RET: variants seen among roughly 807,000 people sequenced by gnomAD.
RET encodes ret proto-oncogene.
A neutral mutation model predicts 118.3 loss-of-function variants in RET; 19 were observed. The ratio of observed to expected loss-of-function variants is 0.16; its 90% CI spans 0.11 to 0.24. RET has a LOEUF of 0.24. Among genes scored for constraint, RET ranks in the 10% least tolerant of loss-of-function variants. RET has a pLI of 1.00. For synonymous variants in RET, 597 were observed against 644.1 expected (o/e 0.93, Z 1.11); for missense variants, 1,219 against 1,502.1 (o/e 0.81, Z 3.12).
At chr10:43,095,993 G>A (rs1837515558) in intron 1 of RET, among the ~76,000 whole-genome samples, 1 of 152,222 alleles carries the variant, frequency 6.6e-6, no homozygotes, top group Non-Finnish European at 1.5e-5. Flanking sequence ...TGCACCGTCG[G>A]TGGGTGTGGT....
chr10:43,108,238 CA>C (rs1837829797), intron 5 of RET, among the ~76,000 whole-genome samples: 1 of 151,488 alleles, frequency 6.6e-6, no homozygotes, highest in Admixed American at 6.6e-5. Context: ...GCCTGGATTC[CA>C]GGAACCTGGG....
intron 1 of RET, among the ~76,000 whole-genome samples, chr10:43,080,979 A>G (rs1368174328): frequency 1.3e-5 from 2 of 152,282 alleles, no homozygotes; most frequent in East Asian, 1.9e-4. Context: ...GGGTTTGGGC[A>G]TCAGGGATGG....
At chr10:43,118,029 C>A (rs1053587491) in intron 12 of RET, among the ~76,000 whole-genome samples, 3 of 152,166 alleles carry the variant, frequency 2.0e-5, no homozygotes, top group African/African-American at 7.2e-5. Context: ...TACCCCTCAC[C>A]TTTCCAGAAT....
chr10:43,115,257 G>A (rs1005521305), intron 11 of RET, among the ~76,000 whole-genome samples: 3 of 152,214 alleles, frequency 2.0e-5, no homozygotes, highest in African/African-American at 7.2e-5. Context: ...GAGCCACGCA[G>A]CTTATGGTGG....
intron 1 of RET, among the ~76,000 whole-genome samples, chr10:43,081,213 G>A (rs1003218994): frequency 1.3e-5 from 2 of 151,776 alleles, no homozygotes; most frequent in Non-Finnish European, 2.9e-5. Flanking sequence ...TTCTTTGGAG[G>A]CTGCTTCCTG....
intron 6 of RET, 22 bp from the exon 7 acceptor site, chr10:43,111,185 G>A (rs1328398408): frequency 6.2e-7 from 1 of 1,613,104 alleles, no homozygotes; most frequent in Non-Finnish European, 8.5e-7. Context: ...CCTGGCTAAG[G>A]TGTTCCCCTG....
rs938074600 is a variant in RET at position 43,088,070 on chromosome 10, C to T, written c.73+10739C>T. On this transcript the variant is annotated intron_variant, in intron 1 of 19. Coordinates refer to ENST00000355710, the MANE Select transcript of RET (RefSeq NM_020975.6). ...GTGGTGGTGGTGGTGATGGTGAAGA[C>T]GGTGGTGGTGGACGTGATAGGGATA... Among the ~76,000 whole-genome samples, 11 of 149,622 alleles carry T rather than the reference C, an allele frequency of 7.4e-5. No individual in the cohort carries two copies. In the East Asian group the frequency reaches 1.4e-3, roughly 19 times the overall value.
chr10:43,106,490 A>G lies in RET; in HGVS notation c.982A>G (p.Thr328Ala), dbSNP rs781613821. The change falls in exon 5 of 20, where the codon ACC becomes GCC. Residue 328 changes from threonine to alanine, a missense_variant. Around this residue, in one of 5 missense-constraint regions of RET, gnomAD observed 850 missense variants for 969.6 expected, o/e 0.88. Coordinates refer to ENST00000355710, the MANE Select transcript of RET (RefSeq NM_020975.6). The surrounding 1 kb of genome is among the most constrained non-coding windows in gnomAD (Gnocchi z 5.1). ...LLPGDTWAQQ[T>A]FRVEHWPNET... ...CCCCGGGGACACCTGGGCCCAGCAGACCTTCCGGGTGGAACACTGGCCCAA... is the reference window on the plus strand; with the variant it reads ...CCCCGGGGACACCTGGGCCCAGCAGGCCTTCCGGGTGGAACACTGGCCCAA... The G allele has an allele frequency of 6.2e-7, 1 of 1,613,680 alleles. No homozygotes were observed. Among genetic ancestry groups the G allele is most frequent in the Admixed American group, 1.7e-5 (1 of 60,000 alleles).
intron 1 of RET, among the ~76,000 whole-genome samples, chr10:43,091,822 C>CAAAAAAA (rs60545334): frequency 8.7e-6 from 1 of 114,592 alleles, no homozygotes; most frequent in Non-Finnish European, 1.8e-5. Flanking sequence ...TGTCTACTAT[C>CAAAAAAA]AAAAAAAAAA....
At chr10:43,120,295 G>A (rs918569772) in intron 15 of RET, 92 bp downstream of exon 15, 24 of 1,535,590 alleles carry the variant, frequency 1.6e-5, no homozygotes, top group Admixed American at 7.4e-5. Context: ...GAAAGATACC[G>A]AAGATTAGTG....
chr10:43,103,198 C>T (rs12243015), intron 3 of RET, among the ~76,000 whole-genome samples: 3,062 of 152,150 alleles, frequency 0.02, 111 homozygotes, highest in African/African-American at 0.069. Context: ...AGGGCTTTCT[C>T]CGGAGGAACA....
rs2132795862 is a variant in RET, at chr10:43,112,103, G to A, written c.1527G>A (p.Val509=). 1.9e-6 allele frequency: 3 copies of A among 1,600,900 alleles called. No individual in the cohort carries two copies. Among genetic ancestry groups the A allele is most frequent in the Non-Finnish European group, 2.6e-6 (3 of 1,173,988 alleles). ...CTGCTTGTCTGCCACCTGCAGATGT[G>A]GCCGAGGAGGCGGGCTGCCCCCTGT... is the stretch of plus-strand genomic sequence containing the variant. ...QLLVTVEGSY[V]AEEAGCPLSC... Residue 509 remains valine, a synonymous_variant, in exon 8 of 20, where the codon GTG becomes GTA. Coordinates refer to ENST00000355710, the MANE Select transcript of RET (RefSeq NM_020975.6).
chr10:43,115,472 G>T (rs1261697481), intron 11 of RET, among the ~76,000 whole-genome samples: 1 of 152,216 alleles, frequency 6.6e-6, no homozygotes, highest in African/African-American at 2.4e-5. Context: ...GTGAGCCAAG[G>T]AGGCCTTCCC....
chr10:43,116,763 G>A (rs780878935), intron 12 of RET, 32 bp downstream of exon 12: 56 of 1,457,104 alleles, frequency 3.8e-5, no homozygotes, highest in Non-Finnish European at 4.4e-5. Context: ...AGTGCCCCTG[G>A]GGGAGTCTCC....
chr10:43,096,723 C>T (rs1304593642), intron 1 of RET, among the ~76,000 whole-genome samples: 1 of 152,208 alleles, frequency 6.6e-6, no homozygotes, highest in East Asian at 1.9e-4. Flanking sequence ...GGCTGACCCA[C>T]CACGATTGGC....
At position 43,126,676 on chromosome 10, in the gene RET, C is replaced by T. The variant is rs372673589; in HGVS notation, c.3141C>T (p.Pro1047=). ...ETPLVDCNNA[P]LPRALPSTWI... is the part of the protein sequence containing the mutation. ...CGCTGGTGGACTGTAATAATGCCCC[C>T]CTCCCTCGAGCCCTCCCTTCCACAT... Residue 1047 remains proline, a synonymous_variant, in exon 19 of 20, where the codon CCC becomes CCT. Coordinates refer to ENST00000355710, the MANE Select transcript of RET (RefSeq NM_020975.6). 1 of 1,613,968 alleles carries T rather than the reference C, an allele frequency of 6.2e-7. No individual in the cohort carries two copies. Among genetic ancestry groups the T allele is most frequent in the African/African-American group, 1.3e-5 (1 of 74,898 alleles).
intron 1 of RET, among the ~76,000 whole-genome samples, chr10:43,087,050 A>G (rs537929378): frequency 6.6e-6 from 1 of 152,334 alleles, no homozygotes; most frequent in East Asian, 1.9e-4. Flanking sequence ...CAGTTCTACC[A>G]TGGGTGTGCA....
At chr10:43,081,142 C>T (rs1279538506) in intron 1 of RET, among the ~76,000 whole-genome samples, 4 of 152,056 alleles carry the variant, frequency 2.6e-5, no homozygotes, top group Non-Finnish European at 5.9e-5. Flanking sequence ...CCTGCAGAGG[C>T]ACTTCCTTTC....
intron 2 of RET, 96 bp downstream of exon 2, chr10:43,100,818 T>G: frequency 3.0e-6 from 4 of 1,346,216 alleles, no homozygotes; most frequent in South Asian, 2.5e-5. Context: ...TTGGCATGGC[T>G]TCCCCCCCAC....
Sources: allele counts gnomAD v4.1 joint callset (sites outside exome capture counted in the v4.1 genomes callset), GRCh38; gene constraint gnomAD v4.1.1; regional missense constraint gnomAD v4.1.1; non-coding constraint Gnocchi (gnomAD v3.1); transcripts MANE v1.5; gene names NCBI Gene and HGNC (gene_info 2026-07-23, HGNC 2026-07-21).